The following PCDH15 variants were observed in gnomAD, a reference collection of about 807,000 sequenced individuals.
PCDH15 encodes the protein protocadherin-15.
In PCDH15, 129 loss-of-function variants were observed where a neutral mutation model predicts 178.5. The observed-to-expected ratio is 0.72, with a 90% CI of 0.63 to 0.84. PCDH15 has a LOEUF of 0.84. Among genes scored for constraint, PCDH15 ranks in the 40% least tolerant of loss-of-function variants. The probability of loss-of-function intolerance (pLI) is 0.00; values close to 1 mark genes in which losing one functional copy is unlikely to be tolerated. For synonymous variants in PCDH15, 800 were observed against 732.0 expected, an observed-to-expected ratio of 1.09 and a Z score of -1.50; for missense variants, 2,230 against 2,099.9, an observed-to-expected ratio of 1.06 and a Z score of -1.21.
At chr10:54,470,423 T>C (rs1011512921) in intron 3 of PCDH15, among the ~76,000 whole-genome samples, 3 of 152,070 alleles carry the variant, frequency 2.0e-5, no homozygotes, top group African/African-American at 4.8e-5. Flanking sequence ...AGTGGCGTTC[T>C]AGGAATCTGG....
chr10:54,597,822 AACTACAAATAACCATCAGAG>A (rs1221376375), intron 2 of PCDH15, among the ~76,000 whole-genome samples: 2 of 152,138 alleles, frequency 1.3e-5, no homozygotes, highest in Admixed American at 6.6e-5. Flanking sequence ...GACCCCACAA[AACTACAAATAACCATCAGAG>A]ACTACTATGA....
chr10:54,775,597 G>A (rs1436185986), intron 1 of PCDH15, among the ~76,000 whole-genome samples: 1 of 152,062 alleles, frequency 6.6e-6, no homozygotes, highest in Admixed American at 6.6e-5. Flanking sequence ...GTAATTTTGT[G>A]TTCCTTAACA....
At chr10:55,053,757 A>T (rs1343525998) in intron 2 of PCDH15, among the ~76,000 whole-genome samples, 1 of 152,202 alleles carries the variant, frequency 6.6e-6, no homozygotes, top group Admixed American at 6.5e-5. Flanking sequence ...ACAGCTAACT[A>T]AGAAAACACA....
chr10:54,567,256 G>A (rs770779538), intron 2 of PCDH15, among the ~76,000 whole-genome samples: 20 of 151,926 alleles, frequency 1.3e-4, no homozygotes, highest in Admixed American at 3.3e-4. Flanking sequence ...TGTGTCTTTT[G>A]TGAGTATTTT....
intron 1 of PCDH15, among the ~76,000 whole-genome samples, chr10:55,293,875 A>G (rs917267216): frequency 2.0e-5 from 3 of 152,062 alleles, no homozygotes; most frequent in Non-Finnish European, 4.4e-5. Flanking sequence ...AGCTGTTCCC[A>G]TCTCTGCCTG....
chr10:54,383,617 GTA>G (rs749290404), intron 3 of PCDH15, among the ~76,000 whole-genome samples: 17,225 of 78,838 alleles, frequency 0.22, 1,147 homozygotes, highest in South Asian at 0.26. Flanking sequence ...ACCATGCCGT[GTA>G]TGTGTGTTTT....
chr10:54,057,578 C>A (rs2135707536), intron 18 of PCDH15, among the ~76,000 whole-genome samples: 1 of 152,212 alleles, frequency 6.6e-6, no homozygotes, highest in Non-Finnish European at 1.5e-5. Context: ...GGACCCAGCC[C>A]AGGAAACCAT....
chr10:54,732,793 T>C (rs1943586469), intron 1 of PCDH15, among the ~76,000 whole-genome samples: 1 of 151,576 alleles, frequency 6.6e-6, no homozygotes, highest in Admixed American at 6.6e-5. Context: ...TAACAAATTA[T>C]TAACAAATTG....
intron 1 of PCDH15, among the ~76,000 whole-genome samples, chr10:54,781,773 C>G (rs1056715379): frequency 1.3e-5 from 2 of 152,060 alleles, no homozygotes; most frequent in African/African-American, 4.8e-5. Context: ...AATTTGCTTC[C>G]TCTAAACACA....
chr10:54,083,801 A>G (rs1414139760), intron 16 of PCDH15, among the ~76,000 whole-genome samples: 2 of 152,184 alleles, frequency 1.3e-5, no homozygotes, highest in Non-Finnish European at 2.9e-5. Context: ...CCTCAATTAT[A>G]TAAATTATAT....
At chr10:55,606,374 T>C (rs1188451055) in intron 2 of PCDH15, among the ~76,000 whole-genome samples, 4 of 144,990 alleles carry the variant, frequency 2.8e-5, no homozygotes, top group Non-Finnish European at 5.9e-5. Flanking sequence ...AATGCCTTTC[T>C]TCACAGAATT....
chr10:55,029,563 A>T (rs900883781), intron 2 of PCDH15, among the ~76,000 whole-genome samples: 5 of 152,236 alleles, frequency 3.3e-5, no homozygotes, highest in Middle Eastern at 6.8e-3. Flanking sequence ...AAACTTTGGT[A>T]AAGAATATTA....
chr10:54,337,903 G>A (rs565488098), intron 6 of PCDH15, among the ~76,000 whole-genome samples: 33 of 152,278 alleles, frequency 2.2e-4, no homozygotes, highest in African/African-American at 7.2e-4. Context: ...TCTGAAATGT[G>A]TCTTAGCTTG....
At chr10:55,254,953 CTT>C (rs67124955) in intron 1 of PCDH15, among the ~76,000 whole-genome samples, 217 of 150,598 alleles carry the variant, frequency 1.4e-3, no homozygotes, top group East Asian at 6.8e-3. Flanking sequence ...TAAGTCTTTT[CTT>C]TTTTTTTTTA....
chr10:55,384,055 G>A (rs1837597619), intron 2 of PCDH15, among the ~76,000 whole-genome samples: 1 of 152,058 alleles, frequency 6.6e-6, no homozygotes, highest in Admixed American at 6.6e-5. Context: ...TACTTAAAAA[G>A]TAATAAAACA....
intron 15 of PCDH15, among the ~76,000 whole-genome samples, chr10:54,129,506 T>G (rs2042251000): frequency 6.6e-6 from 1 of 152,208 alleles, no homozygotes; most frequent in South Asian, 2.1e-4. Flanking sequence ...GGACATATAG[T>G]GTGAGTAAGA....
chr10:55,287,993 A>G (rs1395107477), intron 1 of PCDH15, among the ~76,000 whole-genome samples: 1 of 151,566 alleles, frequency 6.6e-6, no homozygotes. Flanking sequence ...GTATTGAGAT[A>G]TATTTAAAAT....
At chr10:54,856,047 G>A (rs1014232229) in intron 3 of PCDH15, among the ~76,000 whole-genome samples, 7 of 152,126 alleles carry the variant, frequency 4.6e-5, no homozygotes, top group Admixed American at 6.5e-5. Flanking sequence ...TTCCAATTGC[G>A]ATAGTTAAGA....
At chr10:55,314,763 T>G (rs1218746225) in intron 1 of PCDH15, among the ~76,000 whole-genome samples, 4 of 152,192 alleles carry the variant, frequency 2.6e-5, no homozygotes, top group Non-Finnish European at 5.9e-5. Context: ...CTAAGTTTAT[T>G]GAGTTTCTAT....
Sources: gnomAD v4.1 joint callset for allele counts (sites outside exome capture counted in the v4.1 genomes callset) on GRCh38, gnomAD v4.1.1 for gene constraint, MANE v1.5 for transcripts, NCBI Gene and HGNC (gene_info 2026-07-23, HGNC 2026-07-21) for gene names.